The following PLEKHA7 variants were observed in gnomAD, a reference collection of about 807,000 sequenced individuals.
PLEKHA7 encodes pleckstrin homology domain-containing family A member 7.
A neutral mutation model predicts 170.0 loss-of-function variants in PLEKHA7; 104 were observed. The ratio of observed to expected loss-of-function variants is 0.61; its 90% CI spans 0.52 to 0.72. The LOEUF (loss-of-function observed/expected upper bound fraction) is 0.72, where lower values mean the gene tolerates loss of function less well. Ranked by LOEUF, PLEKHA7 falls within the 30% of genes least tolerant of loss-of-function variation. The pLI is 0.00. For synonymous variants in PLEKHA7, 648 were observed against 660.8 expected, an observed-to-expected ratio of 0.98 and a Z score of 0.30; for missense variants, 1,615 against 1,671.7, an observed-to-expected ratio of 0.97 and a Z score of 0.59.
chr11:16,879,681 G>A (rs1048594466), intron 3 of PLEKHA7, among the ~76,000 whole-genome samples: 11 of 152,190 alleles, frequency 7.2e-5, no homozygotes, highest in African/African-American at 2.7e-4. Flanking sequence ...AGGCAGAGCT[G>A]GGCATGAGGG....
intron 9 of PLEKHA7, among the ~76,000 whole-genome samples, chr11:16,828,773 C>T (rs1850866593): frequency 6.6e-6 from 1 of 152,182 alleles, no homozygotes; most frequent in Non-Finnish European, 1.5e-5. Flanking sequence ...GCTGAGGCTC[C>T]ACAGTCTCAG....
chr11:16,922,168 C>CA (rs1859143151), intron 3 of PLEKHA7, among the ~76,000 whole-genome samples: 1 of 33,306 alleles, frequency 3.0e-5, no homozygotes, highest in Admixed American at 4.9e-4. Context: ...GGTAGCAGCA[C>CA]AAAATACATT....
intron 3 of PLEKHA7, among the ~76,000 whole-genome samples, chr11:16,889,415 AAAAAAATATAT>A (rs1439407635): frequency 2.6e-5 from 3 of 116,662 alleles, no homozygotes; most frequent in Admixed American, 1.9e-4. Flanking sequence ...AAAAAAAAAA[AAAAAAATATAT>A]ATATATATAT....
rs1196551878 is a variant in PLEKHA7 at position 16,795,036 on chromosome 11, G to C, written c.2410-18C>G. On this transcript the variant is annotated intron_variant, in intron 17 of 26. Coordinates refer to ENST00000531066, the MANE Select transcript of PLEKHA7 (RefSeq NM_001329630.2). The stretch of plus-strand genomic sequence containing the variant: ...GATTTCTCCTGAGGAAGACGAAGTG[G>C]TGGGTTTGCCTTCTTAGCTCCTTAC... The C allele has an allele frequency of 6.4e-7, 1 of 1,568,334 alleles. No individual in the cohort carries two copies. Among genetic ancestry groups the C allele is most frequent in the Admixed American group, 1.7e-5 (1 of 59,962 alleles).
chr11:16,924,840 G>A (rs1859384112), intron 3 of PLEKHA7, among the ~76,000 whole-genome samples: 1 of 152,208 alleles, frequency 6.6e-6, no homozygotes, highest in Admixed American at 6.5e-5. Context: ...CTACCTAGGA[G>A]CTTGCCGGCG....
intron 3 of PLEKHA7, among the ~76,000 whole-genome samples, chr11:16,889,598 C>T (rs1357948674): frequency 2.0e-5 from 3 of 150,720 alleles, no homozygotes; most frequent in African/African-American, 7.3e-5. Flanking sequence ...GTCAACACCA[C>T]CCCCCACAAA....
At chr11:16,895,995 G>C (rs868163590) in intron 3 of PLEKHA7, among the ~76,000 whole-genome samples, 1 of 152,152 alleles carries the variant, frequency 6.6e-6, no homozygotes, top group African/African-American at 2.4e-5. Flanking sequence ...CAGCTCAGAA[G>C]ACTAAACAGG....
Position 16,803,005 on chromosome 11 carries a change from C to T in PLEKHA7, c.2124G>A (p.Leu708=). ...FCEQDRVLQD[L]EDKIRALKEN... ...CTTTAAGGGCTCGTATCTTGTCTTCCAAGTCCTGGAGGACCCTGTCTTGTT... is the reference window on the plus strand; with the variant it reads ...CTTTAAGGGCTCGTATCTTGTCTTCTAAGTCCTGGAGGACCCTGTCTTGTT... The change falls in exon 15 of 27, where the codon TTG becomes TTA. Residue 708 remains leucine (L), a synonymous_variant. Transcript: ENST00000531066. 1 of 1,613,870 alleles carries T rather than the reference C, an allele frequency of 6.2e-7. No homozygotes were observed. The highest frequency in any genetic ancestry group is 8.5e-7 in the Non-Finnish European group (1 of 1,179,954).
intron 25 of PLEKHA7, 127 bp from the exon 26 acceptor site, chr11:16,783,023 T>A: frequency 9.8e-7 from 1 of 1,021,824 alleles, no homozygotes; most frequent in Non-Finnish European, 1.4e-6. Context: ...TGTGGTACTT[T>A]CTCCCTAGAC....
intron 17 of PLEKHA7, among the ~76,000 whole-genome samples, chr11:16,800,436 T>C (rs926889860): frequency 1.3e-5 from 2 of 152,108 alleles, no homozygotes; most frequent in Non-Finnish European, 2.9e-5. Flanking sequence ...TCCTGAGTGG[T>C]ATAGGGGTCA....
intron 3 of PLEKHA7, among the ~76,000 whole-genome samples, chr11:16,968,260 A>C (rs1368186715): frequency 6.6e-6 from 1 of 152,154 alleles, no homozygotes; most frequent in Admixed American, 6.5e-5. Flanking sequence ...CCTCCCAAAC[A>C]ACCACAAGGG....
chr11:16,893,696 C>T (rs556009316), intron 3 of PLEKHA7, among the ~76,000 whole-genome samples: 169 of 152,280 alleles, frequency 1.1e-3, no homozygotes, highest in Non-Finnish European at 2.1e-3. Flanking sequence ...AGGTGTGCAG[C>T]ATGGAATGAC....
chr11:16,852,288 T>G lies in PLEKHA7; in HGVS notation c.590A>C (p.Tyr197Ser), dbSNP rs1290283928. The part of the protein sequence containing the change: ...FVLADYCLFY[Y>S]KDSREEAVLG... ...TAGGCTACTTGTTAGCTCACCTTTA[T>G]AGTAAAATAAGCAGTAATCAGCAAG... is the stretch of plus-strand genomic sequence containing the variant. The change falls in exon 7 of 27, where the codon TAT becomes TCT. Residue 197 changes from tyrosine to serine, a missense_variant. Transcript: ENST00000531066. The G allele has an allele frequency of 8.1e-6, 13 of 1,613,924 alleles. No individual in the cohort carries two copies. Among genetic ancestry groups the G allele is most frequent in the Non-Finnish European group, 1.1e-5 (13 of 1,179,898 alleles).
chr11:16,852,161 T>C, intron 7 of PLEKHA7, 122 bp downstream of exon 7: 4 of 790,244 alleles, frequency 5.1e-6, no homozygotes, highest in Non-Finnish European at 8.1e-6. Context: ...AACTGGATTC[T>C]ATTTATTTTA....
chr11:16,998,863 A>G (rs1225964651), intron 3 of PLEKHA7, among the ~76,000 whole-genome samples: 1 of 151,652 alleles, frequency 6.6e-6, no homozygotes, highest in Non-Finnish European at 1.5e-5. Context: ...ATCTTGCCAA[A>G]CACTTTCTTT....
chr11:16,906,468 G>A (rs1857717781), intron 3 of PLEKHA7, among the ~76,000 whole-genome samples: 1 of 141,584 alleles, frequency 7.1e-6, no homozygotes, highest in Non-Finnish European at 1.5e-5. Flanking sequence ...TTGCAGGCAC[G>A]CGCCGCCATG....
intron 3 of PLEKHA7, among the ~76,000 whole-genome samples, chr11:16,991,379 AG>A (rs1293575458): frequency 6.6e-6 from 1 of 152,230 alleles, no homozygotes; most frequent in Non-Finnish European, 1.5e-5. Context: ...GCATTCTAGC[AG>A]GGAGAGGAAA....
intron 3 of PLEKHA7, among the ~76,000 whole-genome samples, chr11:16,953,282 C>T (rs1565150412): frequency 6.6e-6 from 1 of 152,312 alleles, no homozygotes; most frequent in African/African-American, 2.4e-5. Flanking sequence ...TCACAGTAAT[C>T]AGCAAAATGC....
At chr11:16,960,823 C>G (rs1453720278) in intron 3 of PLEKHA7, among the ~76,000 whole-genome samples, 1 of 152,120 alleles carries the variant, frequency 6.6e-6, no homozygotes, top group African/African-American at 2.4e-5. Flanking sequence ...GGGACCCTAC[C>G]TTCACCCCTA....
Sources: gnomAD v4.1 joint callset for allele counts (sites outside exome capture counted in the v4.1 genomes callset) on GRCh38, gnomAD v4.1.1 for gene constraint, MANE v1.5 for transcripts, NCBI Gene and HGNC (gene_info 2026-07-23, HGNC 2026-07-21) for gene names.